Variants in GRIP2 observed in about 807,000 individuals in gnomAD.
GRIP2 encodes glutamate receptor-interacting protein 2.
GRIP2 carries 58 observed loss-of-function variants against 108.3 expected under a neutral mutation model. That is an observed-to-expected ratio of 0.54 (90% CI 0.43 to 0.67). GRIP2 has a LOEUF of 0.67. GRIP2 is among the 30% of genes least tolerant of loss of function. GRIP2 has a pLI of 0.00. For missense variants in GRIP2, 1,278 were observed against 1,430.6 expected, an observed-to-expected ratio of 0.89 and a Z score of 1.72; for synonymous variants, 586 against 598.2, an observed-to-expected ratio of 0.98 and a Z score of 0.30.
At chr3:14,573,239 G>T in the GRIP2 span, 2 of 1,406,608 alleles carry the variant, frequency 1.4e-6, no homozygotes, top group Non-Finnish European at 2.0e-6. Flanking sequence ...GGCAGGCCAG[G>T]ATGCCAAACT....
At chr3:14,532,744 G>A (rs563794591) in intron 1 of GRIP2, among the ~76,000 whole-genome samples, 23 of 151,396 alleles carry the variant, frequency 1.5e-4, no homozygotes, top group African/African-American at 5.1e-4. Context: ...AGGGCTGGGC[G>A]CAGACTGAGT....
chr3:14,586,365 C>G, the GRIP2 span, among the ~76,000 whole-genome samples: 2 of 152,224 alleles, frequency 1.3e-5, no homozygotes, highest in African/African-American at 4.8e-5. Context: ...CACTTAGTGA[C>G]TGGCATGTGC....
At chr3:14,496,960 TC>T (rs1444981191) in intron 21 of GRIP2, among the ~76,000 whole-genome samples, 1 of 119,356 alleles carries the variant, frequency 8.4e-6, no homozygotes, top group East Asian at 2.9e-4. Context: ...AAGTCAAGAC[TC>T]TTTTTTTTTT....
At chr3:14,524,126 C>T (rs1694487216) in intron 4 of GRIP2, 2 of 553,000 alleles carry the variant, frequency 3.6e-6, no homozygotes, top group Non-Finnish European at 6.4e-6. Flanking sequence ...TCAGCTAATG[C>T]TTCCAAAACC....
chr3:14,499,741 A>G (rs1165261794), intron 21 of GRIP2, among the ~76,000 whole-genome samples: 1 of 152,086 alleles, frequency 6.6e-6, no homozygotes, highest in African/African-American at 2.4e-5. Flanking sequence ...GTGAAACTCC[A>G]TCTCGAAAAA....
In GRIP2 at chr3:14,503,619, C is replaced by T. The variant is rs1207432838; in HGVS notation, c.2626G>A (p.Ala876Thr). 1 of 1,601,638 alleles carries T rather than the reference C, an allele frequency of 6.2e-7. No individual in the cohort carries two copies. Among genetic ancestry groups the T allele is most frequent in the Non-Finnish European group, 8.5e-7 (1 of 1,172,770 alleles). ...CCACATGACTCCAGGTCTTCGAGAG[C>T]TTCTCCAAACATGCGCCAGAAGCCC... ...EEGFWRMFGEALEDLESCGQS... is the reference protein window; with the variant it reads ...EEGFWRMFGETLEDLESCGQS... Residue 876 changes from alanine (A) to threonine (T), a missense_variant, in exon 21 of 24, where the codon GCT (alanine) becomes ACT (threonine). By Grantham distance (58) the Ala-to-Thr change is moderately conservative. Transcript: ENST00000621039.
Position 14,490,776 on chromosome 3 carries a change from A to T in GRIP2, c.*2889T>A, listed in dbSNP as rs1381509626. The T allele has an allele frequency of 6.6e-6, 1 of 151,818 alleles. No individual in the cohort carries two copies. The highest frequency in any genetic ancestry group is 1.5e-5 in the Non-Finnish European group (1 of 67,970). 9.4% of individuals were successfully genotyped at this position (151,818 alleles called of 1,614,324 possible). On this transcript the variant is annotated 3_prime_UTR_variant, in exon 24 of 24. Coordinates refer to ENST00000621039, the MANE Select transcript of GRIP2 (RefSeq NM_001080423.4). ...ACTAGCTGTGCCCGCTGCCTGAGAC[A>T]CTCTTCCTCCAGGTCTCCATGGAGG...
Position 14,540,155 on chromosome 3 carries a change from A to C in GRIP2, c.40+114T>G. 1 of 1,329,480 alleles carries C rather than the reference A, an allele frequency of 7.5e-7. No homozygotes were observed. The highest frequency in any genetic ancestry group is 1.0e-6 in the Non-Finnish European group (1 of 969,998). The allele number at this position is 1,329,480 out of a possible 1,614,324, so 82.4% of individuals were successfully genotyped here. A position where few individuals can be genotyped will look rare whatever the true frequency, so the allele number is the denominator to read the frequency against. On this transcript the variant is annotated intron_variant, in intron 1 of 23. Coordinates refer to ENST00000621039, the MANE Select transcript of GRIP2 (RefSeq NM_001080423.4). This position sits in a 1 kb window ranked among gnomAD's most constrained non-coding sequence, Gnocchi z 4.1. Reference sequence around the variant, plus strand: ...CACCCTCCCCAAGCCCTGGGTCTCCAGGGAGTGGCAGTCCCAGGTCTCAGC... The same window carrying C: ...CACCCTCCCCAAGCCCTGGGTCTCCCGGGAGTGGCAGTCCCAGGTCTCAGC...
intron 21 of GRIP2, among the ~76,000 whole-genome samples, chr3:14,502,174 G>C (rs1398786420): frequency 6.6e-6 from 1 of 152,018 alleles, no homozygotes; most frequent in Non-Finnish European, 1.5e-5. Flanking sequence ...AGACACATTA[G>C]AAACAACGAT....
Position 14,493,630 on chromosome 3 carries a change from G to C in GRIP2, c.*35C>G, listed in dbSNP as rs778444899. On this transcript the variant is annotated 3_prime_UTR_variant, in exon 24 of 24. Coordinates refer to ENST00000621039, the MANE Select transcript of GRIP2 (RefSeq NM_001080423.4). ...GTGTCTGGGAGCCAGGATCTGCCTG[G>C]GTGGCCCCTTAGGAGTTCGGCCCAC... 6.5e-7 allele frequency: 1 copy of C among 1,535,932 alleles called. No homozygotes were observed. The highest frequency in any genetic ancestry group is 8.8e-7 in the Non-Finnish European group (1 of 1,134,690).
intron 21 of GRIP2, among the ~76,000 whole-genome samples, chr3:14,498,512 G>A (rs1693677953): frequency 6.6e-6 from 1 of 152,088 alleles, no homozygotes; most frequent in Non-Finnish European, 1.5e-5. Context: ...GGAGTGGGGG[G>A]GAAGATAGGA....
intron 17 of GRIP2, among the ~76,000 whole-genome samples, chr3:14,509,210 C>T (rs1694014531): frequency 6.6e-6 from 1 of 152,208 alleles, no homozygotes; most frequent in African/African-American, 2.4e-5. Context: ...CCACCAGGCT[C>T]TCCTTTTACC....
chr3:14,498,940 G>A (rs991720694), intron 21 of GRIP2, among the ~76,000 whole-genome samples: 1 of 152,208 alleles, frequency 6.6e-6, no homozygotes, highest in Non-Finnish European at 1.5e-5. Context: ...CTGGGGTACT[G>A]TTCAGGGAAA....
chr3:14,572,611 CAAAAAAA>C, the GRIP2 span, among the ~76,000 whole-genome samples: 1 of 46,958 alleles, frequency 2.1e-5, no homozygotes, highest in African/African-American at 9.5e-5. Context: ...GACTCCGTCT[CAAAAAAA>C]AAAAAAAAAA....
chr3:14,493,934 C>T (rs568503196), intron 23 of GRIP2, 108 bp from the exon 24 acceptor site: 40 of 1,192,486 alleles, frequency 3.4e-5, no homozygotes, highest in African/African-American at 2.6e-4. Flanking sequence ...CCAGCCTTGA[C>T]GCAAGCCCTG....
At chr3:14,601,418 C>T in the GRIP2 span, among the ~76,000 whole-genome samples, 1 of 152,124 alleles carries the variant, frequency 6.6e-6, no homozygotes, top group Non-Finnish European at 1.5e-5. Flanking sequence ...TCCAAGACAC[C>T]GCCCCCCTCC....
chr3:14,544,460 A>T (rs1171289887), upstream of GRIP2, among the ~76,000 whole-genome samples: 1 of 152,026 alleles, frequency 6.6e-6, no homozygotes, highest in Non-Finnish European at 1.5e-5. Flanking sequence ...GGGGTGCCCC[A>T]CCAGCACAGC....
At chr3:14,578,610 G>A in the GRIP2 span, among the ~76,000 whole-genome samples, 10 of 152,050 alleles carry the variant, frequency 6.6e-5, no homozygotes, top group East Asian at 5.8e-4. Context: ...CCAGCTACTC[G>A]GGAGGCTGAA....
At chr3:14,561,140 C>T in the GRIP2 span, among the ~76,000 whole-genome samples, 1 of 152,208 alleles carries the variant, frequency 6.6e-6, no homozygotes, top group Non-Finnish European at 1.5e-5. Context: ...CCTGTGCTCC[C>T]CAGATTTTTG....
Sources: gnomAD v4.1 joint callset for allele counts (sites outside exome capture counted in the v4.1 genomes callset) on GRCh38, gnomAD v4.1.1 for gene constraint, Gnocchi (gnomAD v3.1) non-coding constraint, MANE v1.5 for transcripts, NCBI Gene and HGNC (gene_info 2026-07-23, HGNC 2026-07-21) for gene names.